SLC35F4: variants seen among roughly 807,000 people sequenced by gnomAD.
SLC35F4 encodes solute carrier family 35 member F4.
Under a neutral mutation model 44.2 loss-of-function variants are expected in SLC35F4, and 24 were observed. The observed-to-expected ratio is 0.54, with a 90% CI of 0.39 to 0.76. The LOEUF (loss-of-function observed/expected upper bound fraction) is 0.76. Ranked by LOEUF, SLC35F4 falls within the 30% of genes least tolerant of loss-of-function variation. The pLI is 0.00. For missense variants in SLC35F4, 562 were observed against 586.1 expected, an observed-to-expected ratio of 0.96 and a Z score of 0.42; for synonymous variants, 238 against 223.6, an observed-to-expected ratio of 1.06 and a Z score of -0.57.
chr14:57,894,808 C>A (rs1388545452), intron 1 of SLC35F4, among the ~76,000 whole-genome samples: 2 of 152,126 alleles, frequency 1.3e-5, no homozygotes, highest in African/African-American at 2.4e-5. Context: ...ATCACAGAGT[C>A]TGTCTTCACA....
At chr14:57,973,916 CAT>C (rs10548127), downstream of SLC35F4, among the ~76,000 whole-genome samples, 3,852 of 152,280 alleles carry the variant, frequency 0.025, 151 homozygotes, top group African/African-American at 0.088. Flanking sequence ...CACCCTCTGT[CAT>C]CTCCAACCCC....
At chr14:57,589,661 A>G (rs770683212) in intron 2 of SLC35F4, 148 bp from the exon 3 acceptor site, 5 of 911,376 alleles carry the variant, frequency 5.5e-6, no homozygotes, top group Non-Finnish European at 8.0e-6. Flanking sequence ...ATTTGAAGAG[A>G]CTGATAACTT....
At chr14:57,920,068 A>G (rs1233278019) in intron 1 of SLC35F4, among the ~76,000 whole-genome samples, 1 of 152,150 alleles carries the variant, frequency 6.6e-6, no homozygotes, top group African/African-American at 2.4e-5. Flanking sequence ...ATAGAGACAC[A>G]ATATATGCAC....
rs145805519 is a variant in SLC35F4, at chr14:57,605,833, C to T, written c.104-11709G>A. On this transcript the variant is annotated intron_variant, in intron 1 of 7. Transcript: ENST00000556826. ...CAACAACACAGATACAACTGAAAAC[C>T]ATTATCCTAAGCGAACTAATGCAGA... Among the ~76,000 whole-genome samples the T allele has an allele frequency of 1.8e-4, 28 of 152,100 alleles. No homozygotes were observed. In the East Asian group the frequency reaches 4.1e-3, roughly 22 times the overall value.
intron 1 of SLC35F4, among the ~76,000 whole-genome samples, chr14:57,793,137 T>C (rs1254400250): frequency 6.6e-6 from 1 of 152,012 alleles, no homozygotes. Flanking sequence ...ATCCTGAAAA[T>C]GTGCCCAGGC....
At chr14:57,975,328 G>A (rs529664142), downstream of SLC35F4, among the ~76,000 whole-genome samples, 20 of 152,288 alleles carry the variant, frequency 1.3e-4, no homozygotes, top group African/African-American at 3.1e-4. Context: ...GGAAGTTTCT[G>A]CTTCTTAAGA....
intron 1 of SLC35F4, among the ~76,000 whole-genome samples, chr14:57,911,593 G>A (rs552436954): frequency 6.6e-6 from 1 of 152,092 alleles, no homozygotes; most frequent in East Asian, 1.9e-4. Flanking sequence ...TACATTAATT[G>A]ATATTCAAAT....
intron 1 of SLC35F4, among the ~76,000 whole-genome samples, chr14:57,980,983 T>C (rs1300470082): frequency 6.6e-6 from 1 of 152,042 alleles, no homozygotes; most frequent in African/African-American, 2.4e-5. Flanking sequence ...TAGGGAAGGA[T>C]TCTCCTCTAT....
chr14:57,940,972 A>T (rs1889906675), intron 1 of SLC35F4, among the ~76,000 whole-genome samples: 1 of 152,216 alleles, frequency 6.6e-6, no homozygotes, highest in Admixed American at 6.5e-5. Context: ...ATCATTAGTC[A>T]TTAGGGAAAA....
intron 1 of SLC35F4, among the ~76,000 whole-genome samples, chr14:57,880,091 AGG>A (rs1231840517): frequency 8.8e-6 from 1 of 113,026 alleles, no homozygotes; most frequent in Non-Finnish European, 2.0e-5. Flanking sequence ...GAAGGAAGGA[AGG>A]AAGGAAGGAA....
intron 1 of SLC35F4, among the ~76,000 whole-genome samples, chr14:57,857,465 A>G (rs894104326): frequency 3.9e-5 from 6 of 152,016 alleles, no homozygotes; most frequent in East Asian, 1.9e-4. Flanking sequence ...TTTTTCTCTA[A>G]TCACTACTAC....
intron 1 of SLC35F4, among the ~76,000 whole-genome samples, chr14:57,744,977 A>G (rs539368178): frequency 3.2e-4 from 49 of 152,278 alleles, no homozygotes; most frequent in African/African-American, 1.1e-3. Context: ...ACCTGGCAAA[A>G]ACAAGAAATG....
chr14:57,783,799 C>G (rs1043023354), intron 1 of SLC35F4, among the ~76,000 whole-genome samples: 1 of 152,146 alleles, frequency 6.6e-6, no homozygotes, highest in Non-Finnish European at 1.5e-5. Context: ...CACAACATCT[C>G]TAATTCAGCC....
At chr14:57,908,980 C>A (rs1889163148) in intron 1 of SLC35F4, among the ~76,000 whole-genome samples, 1 of 152,158 alleles carries the variant, frequency 6.6e-6, no homozygotes, top group Admixed American at 6.5e-5. Flanking sequence ...AGGAAGGGAT[C>A]CAGTTTCAGT....
At chr14:57,799,698 C>G (rs553645873) in intron 1 of SLC35F4, among the ~76,000 whole-genome samples, 1 of 152,340 alleles carries the variant, frequency 6.6e-6, no homozygotes, top group Admixed American at 6.5e-5. Context: ...ATGGTCAAAA[C>G]GAGGAAGGCT....
At chr14:57,826,495 A>G (rs1289916712) in intron 1 of SLC35F4, among the ~76,000 whole-genome samples, 1 of 152,236 alleles carries the variant, frequency 6.6e-6, no homozygotes, top group Non-Finnish European at 1.5e-5. Flanking sequence ...ATTGCAACAA[A>G]AGCAAAAATC....
chr14:57,871,500 C>G (rs534746937), intron 1 of SLC35F4, among the ~76,000 whole-genome samples: 1 of 152,192 alleles, frequency 6.6e-6, no homozygotes, highest in South Asian at 2.1e-4. Flanking sequence ...ACAAATAAGC[C>G]TTTCTGTAAT....
chr14:57,757,074 A>G (rs2077011953), intron 1 of SLC35F4, among the ~76,000 whole-genome samples: 1 of 152,056 alleles, frequency 6.6e-6, no homozygotes, highest in South Asian at 2.1e-4. Context: ...TTGAAGTTCT[A>G]TTATTAGGTG....
intron 1 of SLC35F4, among the ~76,000 whole-genome samples, chr14:57,627,807 TC>T (rs1594633433): frequency 6.6e-6 from 1 of 152,058 alleles, no homozygotes; most frequent in African/African-American, 2.4e-5. Flanking sequence ...TTTAATTCCT[TC>T]CTTTTTTTTA....
Sources: gnomAD v4.1 joint callset for allele counts (sites outside exome capture counted in the v4.1 genomes callset) on GRCh38, gnomAD v4.1.1 for gene constraint, MANE v1.5 for transcripts, NCBI Gene and HGNC (gene_info 2026-07-23, HGNC 2026-07-21) for gene names.